B3GALT1: variants seen among roughly 807,000 people sequenced by gnomAD.
B3GALT1 encodes the protein beta-1,3-galactosyltransferase 1, also known as UDP-Gal:betaGlcNAc beta 1,3-galactosyltransferase, polypeptide 1.
B3GALT1 carries 10 observed loss-of-function variants against 23.2 expected under a neutral mutation model. That is an observed-to-expected ratio of 0.43 (90% confidence interval 0.27 to 0.73). The LOEUF (loss-of-function observed/expected upper bound fraction) is 0.73. Ranked by LOEUF, B3GALT1 falls within the 30% of genes least tolerant of loss-of-function variation. B3GALT1 has a pLI of 0.21. For synonymous variants in B3GALT1, 156 were observed against 141.5 expected (o/e 1.10, Z -0.73); for missense variants, 299 against 405.4 (o/e 0.74, Z 2.25).
At chr2:167,786,102 C>T (rs938637311) in intron 3 of B3GALT1, among the ~76,000 whole-genome samples, 3 of 152,184 alleles carry the variant, frequency 2.0e-5, no homozygotes, top group African/African-American at 4.8e-5. Context: ...AGGTCTGCCT[C>T]CTACCCTGAA....
chr2:167,494,898 G>A (rs1480770909), intron 2 of B3GALT1, among the ~76,000 whole-genome samples: 1 of 152,004 alleles, frequency 6.6e-6, no homozygotes, highest in Non-Finnish European at 1.5e-5. Context: ...ACTGACTTGG[G>A]GCCCTGGTAT....
chr2:167,543,565 G>A (rs1241973172), intron 2 of B3GALT1, among the ~76,000 whole-genome samples: 1 of 152,136 alleles, frequency 6.6e-6, no homozygotes, highest in Non-Finnish European at 1.5e-5. Flanking sequence ...TTGAGGCTCT[G>A]GTAATACATC....
Position 167,870,297 on chromosome 2 carries a change from G to A in B3GALT1, c.*277G>A, listed in dbSNP as rs572623194. The stretch of plus-strand genomic sequence containing the variant: ...CTTCCAAACAACTCTTAGGATTGAC[G>A]TACCGTGCATCTGAGATAAAAATTT... On this transcript the variant is annotated 3_prime_UTR_variant, in exon 5 of 5. Transcript: ENST00000392690. The A allele has an allele frequency of 8.1e-5, 24 of 294,686 alleles. No individual in the cohort carries two copies. Among genetic ancestry groups the A allele is most frequent in the Non-Finnish European group, 1.4e-4 (21 of 149,778 alleles). The allele number at this position is 294,686 out of a possible 1,614,324, so 18.3% of individuals were successfully genotyped here.
At position 167,293,228 on chromosome 2, in the gene B3GALT1, G is replaced by C. The variant is rs1696286757; in HGVS notation, c.-617G>C. 1 of 152,058 alleles carries C rather than the reference G, an allele frequency of 6.6e-6. No individual in the cohort carries two copies. Among genetic ancestry groups the C allele is most frequent in the African/African-American group, 2.4e-5 (1 of 41,442 alleles). 9.4% of individuals were successfully genotyped at this position (152,058 alleles called of 1,614,324 possible). On this transcript the variant is annotated 5_prime_UTR_variant, in exon 1 of 5. Coordinates refer to ENST00000392690, the MANE Select transcript of B3GALT1 (RefSeq NM_020981.4). ...GCGGCAGAGAAGTGATGCTGGCGCC[G>C]GGGATCGGGGCAGCGGCAGCGGAGC... is the stretch of plus-strand genomic sequence containing the variant.
At chr2:167,608,189 G>T (rs1017912332) in intron 2 of B3GALT1, among the ~76,000 whole-genome samples, 2 of 152,024 alleles carry the variant, frequency 1.3e-5, no homozygotes, top group African/African-American at 4.8e-5. Flanking sequence ...AAAGAAAGAC[G>T]AATTAACAAC....
chr2:167,410,490 C>CAA (rs61261864), intron 1 of B3GALT1, among the ~76,000 whole-genome samples: 2 of 111,714 alleles, frequency 1.8e-5, no homozygotes, highest in African/African-American at 3.4e-5. Context: ...GACTCCATCT[C>CAA]AAAAAAAAAA....
chr2:167,656,195 G>C (rs1170258090), intron 3 of B3GALT1, among the ~76,000 whole-genome samples: 1 of 152,004 alleles, frequency 6.6e-6, no homozygotes, highest in African/African-American at 2.4e-5. Flanking sequence ...TCTTCCTCCT[G>C]CCCATAATTT....
intron 3 of B3GALT1, among the ~76,000 whole-genome samples, chr2:167,733,403 T>A (rs1687438489): frequency 6.6e-6 from 1 of 150,458 alleles, no homozygotes; most frequent in Non-Finnish European, 1.5e-5. Flanking sequence ...CTTAAAACAT[T>A]ATGAGTTTTA....
chr2:167,738,456 G>T (rs17643505), intron 3 of B3GALT1, among the ~76,000 whole-genome samples: 1 of 152,034 alleles, frequency 6.6e-6, no homozygotes, highest in African/African-American at 2.4e-5. Context: ...AGAAAATACC[G>T]TGAAGGTGGA....
intron 1 of B3GALT1, among the ~76,000 whole-genome samples, chr2:167,373,116 TGAGAAA>T (rs1697710221): frequency 6.6e-6 from 1 of 152,052 alleles, no homozygotes; most frequent in Non-Finnish European, 1.5e-5. Context: ...ATAATTCCAC[TGAGAAA>T]AAGAACATAT....
chr2:167,442,536 A>G (rs1698911292), intron 1 of B3GALT1, among the ~76,000 whole-genome samples: 1 of 151,484 alleles, frequency 6.6e-6, no homozygotes, highest in Admixed American at 6.6e-5. Context: ...CCTCTCCAGC[A>G]CCTGTTGTTT....
intron 2 of B3GALT1, among the ~76,000 whole-genome samples, chr2:167,537,831 T>TTC (rs1329946507): frequency 6.6e-6 from 1 of 150,998 alleles, no homozygotes; most frequent in East Asian, 1.9e-4. Flanking sequence ...TGTTCTTTTT[T>TTC]TTTTTTTTTT....
At chr2:167,605,208 C>G (rs767259229) in intron 2 of B3GALT1, among the ~76,000 whole-genome samples, 8 of 152,192 alleles carry the variant, frequency 5.3e-5, no homozygotes, top group Non-Finnish European at 1.2e-4. Flanking sequence ...TTCCACATCA[C>G]TGGGGAAAAA....
Position 167,563,237 on chromosome 2 carries a change from C to T in B3GALT1, c.-410+72960C>T, listed in dbSNP as rs185168055. ...CCCAGCAGGTGCAGCCGGGCAGAGG[C>T]GCCCCCCACCTCCCAGACGGGGCGG... On this transcript the variant is annotated intron_variant, in intron 2 of 4. Coordinates refer to ENST00000392690, the MANE Select transcript of B3GALT1 (RefSeq NM_020981.4). Among the ~76,000 whole-genome samples, 283 of 146,926 alleles carry T rather than the reference C, an allele frequency of 1.9e-3. 4 individuals carry two copies. Among genetic ancestry groups the T allele is most frequent in the African/African-American group, 6.6e-3 (249 of 37,784 alleles).
chr2:167,515,213 G>A (rs1016673264), intron 2 of B3GALT1, among the ~76,000 whole-genome samples: 1 of 152,098 alleles, frequency 6.6e-6, no homozygotes, highest in Non-Finnish European at 1.5e-5. Flanking sequence ...GGAAAATTCA[G>A]AGAAACATTA....
At chr2:167,301,590 A>T (rs1559059769) in intron 1 of B3GALT1, among the ~76,000 whole-genome samples, 1 of 152,110 alleles carries the variant, frequency 6.6e-6, no homozygotes, top group Non-Finnish European at 1.5e-5. Context: ...TTGTTCTGTC[A>T]TCCAGGCTGG....
At chr2:167,364,934 T>C (rs1049398225) in intron 1 of B3GALT1, among the ~76,000 whole-genome samples, 4 of 152,182 alleles carry the variant, frequency 2.6e-5, no homozygotes, top group African/African-American at 9.7e-5. Context: ...ATAAACAAAA[T>C]AGAGGGCCTT....
chr2:167,410,207 A>G (rs551236477), intron 1 of B3GALT1, among the ~76,000 whole-genome samples: 1 of 152,242 alleles, frequency 6.6e-6, no homozygotes, highest in Non-Finnish European at 1.5e-5. Flanking sequence ...CTTCTCACTC[A>G]TAAGTGGGAG....
intron 3 of B3GALT1, among the ~76,000 whole-genome samples, chr2:167,701,956 A>C (rs915915964): frequency 1.3e-5 from 2 of 152,210 alleles, no homozygotes; most frequent in Non-Finnish European, 2.9e-5. Flanking sequence ...ATGCCCACTA[A>C]AATTTGGCGT....
Sources: gnomAD v4.1 joint callset for allele counts (sites outside exome capture counted in the v4.1 genomes callset) on GRCh38, gnomAD v4.1.1 for gene constraint, MANE v1.5 for transcripts, NCBI Gene and HGNC (gene_info 2026-07-23, HGNC 2026-07-21) for gene names.